STOM: variants seen among roughly 807,000 people sequenced by gnomAD.
The protein encoded by STOM is erythrocyte band 7 integral membrane protein.
STOM carries 25 observed loss-of-function variants against 30.6 expected under a neutral mutation model. That is an observed-to-expected ratio of 0.82 (90% CI 0.60 to 1.14). The LOEUF (loss-of-function observed/expected upper bound fraction) is 1.14. STOM is among the 50% of genes most tolerant of loss of function. STOM has a pLI of 0.00. For missense variants in STOM, 292 were observed against 365.2 expected (o/e 0.80, Z 1.63); for synonymous variants, 118 against 130.8 (o/e 0.90, Z 0.67).
At chr9:121,363,574 A>G (rs189089222) in intron 1 of STOM, among the ~76,000 whole-genome samples, 74 of 152,314 alleles carry the variant, frequency 4.9e-4, no homozygotes, top group African/African-American at 1.8e-3. Flanking sequence ...CAGCTGTTCC[A>G]ATAAAACTTA....
At chr9:121,367,830 A>G (rs1039395217) in intron 1 of STOM, among the ~76,000 whole-genome samples, 2 of 152,240 alleles carry the variant, frequency 1.3e-5, no homozygotes, top group African/African-American at 2.4e-5. Flanking sequence ...TAAGTAAAGT[A>G]CTGAAGTTAG....
In STOM at chr9:121,340,719, C is replaced by T. The variant is rs2064238321; in HGVS notation, c.*483G>A. ...GAGCCGAGATCATGCTATTGCACTC[C>T]AGCCTGGGCAACAAGAGTGAAACTC... On this transcript the variant is annotated 3_prime_UTR_variant, in exon 7 of 7. Transcript: ENST00000286713. The T allele has an allele frequency of 3.0e-6, 3 of 988,250 alleles. No homozygotes were observed. Among genetic ancestry groups the T allele is most frequent in the Non-Finnish European group, 3.6e-6 (3 of 829,784 alleles). 61.2% of individuals were successfully genotyped at this position (988,250 alleles called of 1,614,324 possible). A position where few individuals can be genotyped will look rare whatever the true frequency, so the allele number is the denominator to read the frequency against.
In STOM at chr9:121,349,285, A is replaced by G; in HGVS notation, c.360T>C (p.Gly120=). ...TKDSVTISVD[G]VVYYRVQNAT... is the part of the protein sequence containing the mutation. Reference sequence around the variant, plus strand: ...CATTCTGAACGCGGTAATAGACCACACCATCCACGCTAATTGTCACTGAAT... The same window carrying G: ...CATTCTGAACGCGGTAATAGACCACGCCATCCACGCTAATTGTCACTGAAT... Residue 120 remains glycine, a synonymous_variant, in exon 5 of 7, where the codon GGT becomes GGC. Transcript: ENST00000286713. 6.2e-7 allele frequency: 1 copy of G among 1,614,158 alleles called. No individual in the cohort carries two copies. Among genetic ancestry groups the G allele is most frequent in the African/African-American group, 1.3e-5 (1 of 75,036 alleles).
intron 1 of STOM, among the ~76,000 whole-genome samples, chr9:121,361,161 C>T (rs1465678938): frequency 6.6e-6 from 1 of 152,054 alleles, no homozygotes; most frequent in Non-Finnish European, 1.5e-5. Flanking sequence ...GCTATAAATG[C>T]ATAGCTCAGA....
intron 1 of STOM, among the ~76,000 whole-genome samples, chr9:121,360,787 G>A (rs2064444014): frequency 6.6e-6 from 1 of 151,872 alleles, no homozygotes; most frequent in African/African-American, 2.4e-5. Context: ...TTTTTTTTGT[G>A]TCAGTTCCCA....
intron 3 of STOM, among the ~76,000 whole-genome samples, chr9:121,354,383 G>A (rs182003431): frequency 4.7e-4 from 72 of 152,186 alleles, no homozygotes; most frequent in Non-Finnish European, 7.6e-4. Context: ...GACTGGGCAC[G>A]GTGGCTCACG....
At chr9:121,345,868 A>G (rs989039433) in intron 6 of STOM, among the ~76,000 whole-genome samples, 1 of 152,244 alleles carries the variant, frequency 6.6e-6, no homozygotes, top group Non-Finnish European at 1.5e-5. Flanking sequence ...TTCCACTGCT[A>G]CTAATCAACT....
chr9:121,346,059 C>G (rs919767304), intron 6 of STOM, among the ~76,000 whole-genome samples: 14 of 152,118 alleles, frequency 9.2e-5, no homozygotes, highest in African/African-American at 2.7e-4. Flanking sequence ...GGCGCAATCT[C>G]AGCTCACTGC....
At chr9:121,355,199 A>C (rs189464017) in intron 2 of STOM, among the ~76,000 whole-genome samples, 1 of 144,532 alleles carries the variant, frequency 6.9e-6, no homozygotes, top group Admixed American at 7.4e-5. Context: ...GCACCACTGC[A>C]CTCCAGCCTG....
At chr9:121,346,547 G>A (rs1308164060) in intron 6 of STOM, among the ~76,000 whole-genome samples, 1 of 152,170 alleles carries the variant, frequency 6.6e-6, no homozygotes, top group African/African-American at 2.4e-5. Context: ...ATCTGGTTTG[G>A]AAATGAGGCT....
chr9:121,360,369 T>C lies in STOM; in HGVS notation c.62-4213A>G, dbSNP rs2064438951. ...TTTAATCTAATATTTTAATTTCTTG[T>C]GCATTTATATCCCTTATTACACTGA... On this transcript the variant is annotated intron_variant, in intron 1 of 6. Coordinates refer to ENST00000286713, the MANE Select transcript of STOM (RefSeq NM_004099.6). Among the ~76,000 whole-genome samples the C allele has an allele frequency of 2.6e-5, 4 of 152,218 alleles. No homozygotes were observed. The South Asian group carries it at 8.3e-4, about 32-fold the overall frequency.
intron 4 of STOM, among the ~76,000 whole-genome samples, chr9:121,352,089 A>G (rs774608453): frequency 1.3e-5 from 2 of 152,338 alleles, no homozygotes; most frequent in East Asian, 1.9e-4. Flanking sequence ...ATTCCTCGGT[A>G]TCTGTGGGAG....
Position 121,353,254 on chromosome 9 carries a change from A to G in STOM, c.287T>C (p.Met96Thr). 11 of 1,612,066 alleles carry G rather than the reference A, an allele frequency of 6.8e-6. No homozygotes were observed. The highest frequency in any genetic ancestry group is 9.3e-6 in the Non-Finnish European group (11 of 1,179,072). The change falls in exon 4 of 7, where the codon ATG (methionine) becomes ACG (threonine). Residue 96 changes from methionine to threonine, a missense_variant. Met to Thr is a moderately conservative substitution (Grantham distance 81). Transcript: ENST00000286713. ...PCTDSFIKVDMRTISFDIPPQ... is the reference protein window; with the variant it reads ...PCTDSFIKVDTRTISFDIPPQ... ...AGGAATATCAAATGAAATAGTTCTC[A>G]TGTCCACTTTGATGAAGCTGTCAGT...
chr9:121,355,038 T>A (rs2134033873), intron 2 of STOM, among the ~76,000 whole-genome samples: 1 of 152,026 alleles, frequency 6.6e-6, no homozygotes, highest in African/African-American at 2.4e-5. Flanking sequence ...GGTGGGCAGA[T>A]CACGGAGGTT....
At chr9:121,350,027 G>A (rs1044859769) in intron 4 of STOM, among the ~76,000 whole-genome samples, 14 of 152,198 alleles carry the variant, frequency 9.2e-5, no homozygotes, top group East Asian at 1.9e-4. Context: ...GAATTAATGC[G>A]TTAAATACAT....
At chr9:121,352,086 G>A (rs919475703) in intron 4 of STOM, among the ~76,000 whole-genome samples, 1 of 151,974 alleles carries the variant, frequency 6.6e-6, no homozygotes, top group African/African-American at 2.4e-5. Flanking sequence ...ATCATTCCTC[G>A]GTATCTGTGG....
intron 4 of STOM, among the ~76,000 whole-genome samples, chr9:121,350,751 T>TG (rs752546770): frequency 6.6e-6 from 1 of 152,232 alleles, no homozygotes; most frequent in Non-Finnish European, 1.5e-5. Flanking sequence ...GAAGCCCTTT[T>TG]GAAAGAGTAA....
At chr9:121,357,376 G>A (rs1045495235) in intron 1 of STOM, among the ~76,000 whole-genome samples, 7 of 141,984 alleles carry the variant, frequency 4.9e-5, no homozygotes, top group Non-Finnish European at 3.1e-5. Context: ...GAGGTATTTT[G>A]GTATATTCTT....
In STOM at chr9:121,339,924, A is replaced by G. The variant is rs2064231121; in HGVS notation, c.*1278T>C. The G allele has an allele frequency of 3.8e-6, 4 of 1,060,138 alleles. No individual in the cohort carries two copies. Among genetic ancestry groups the G allele is most frequent in the African/African-American group, 1.7e-5 (1 of 59,830 alleles). The allele number at this position is 1,060,138 out of a possible 1,614,324, so 65.7% of individuals were successfully genotyped here. ...CAATATACTGTGAATTCCTTATACT[A>G]TGTAATGAATGGGTTTGTAATCAAC... On this transcript the variant is annotated 3_prime_UTR_variant, in exon 7 of 7. Transcript: ENST00000286713.
Sources: allele counts gnomAD v4.1 joint callset (sites outside exome capture counted in the v4.1 genomes callset), GRCh38; gene constraint gnomAD v4.1.1; transcripts MANE v1.5; gene names NCBI Gene and HGNC (gene_info 2026-07-23, HGNC 2026-07-21).